Variants in AK2 observed in about 807,000 individuals in gnomAD.
AK2 encodes adenylate kinase 2, mitochondrial.
A neutral mutation model predicts 24.6 loss-of-function variants in AK2; 15 were observed. The observed-to-expected ratio is 0.61, with a 90% CI of 0.41 to 0.94. The LOEUF (loss-of-function observed/expected upper bound fraction) is 0.94, where lower values mean the gene tolerates loss of function less well. AK2 is among the 40% of genes least tolerant of loss of function. The pLI is 0.00. For synonymous variants in AK2, 102 were observed against 114.0 expected (o/e 0.90, Z 0.67); for missense variants, 257 against 304.1 (o/e 0.85, Z 1.15).
Position 33,010,409 on chromosome 1 carries a change from A to G in AK2, c.*2772T>C, listed in dbSNP as rs1325241750. ...TAATCAAAGCTCCCTGTTCCAAGCT[A>G]TAGACAGACAGGACAACAATTTGAT... On this transcript the variant is annotated 3_prime_UTR_variant, in exon 6 of 6. Transcript: ENST00000672715. 1 of 493,572 alleles carries G rather than the reference A, an allele frequency of 2.0e-6. No individual in the cohort carries two copies. The highest frequency in any genetic ancestry group is 3.9e-6 in the Non-Finnish European group (1 of 253,498). The allele number at this position is 493,572 out of a possible 1,614,324, so 30.6% of individuals were successfully genotyped here.
At position 33,008,643 on chromosome 1, in the gene AK2, G is replaced by A. The variant is rs1038849318; in HGVS notation, c.*4538C>T. 2.2e-6 allele frequency: 1 copy of A among 453,972 alleles called. No homozygotes were observed. Among genetic ancestry groups the A allele is most frequent in the Non-Finnish European group, 4.4e-6 (1 of 226,792 alleles). 28.1% of individuals were successfully genotyped at this position (453,972 alleles called of 1,614,324 possible). On this transcript the variant is annotated 3_prime_UTR_variant, in exon 6 of 6. Transcript: ENST00000672715. ...TCAGTCCTGACTGCCTCTTATGCAT[G>A]ACCTCAGGAATGCCACTTCACCTCT...
Position 33,018,932 on chromosome 1 carries a change from C to T in AK2, c.425+2435G>A, listed in dbSNP as rs1234702392. On this transcript the variant is annotated intron_variant, in intron 4 of 5. Transcript: ENST00000672715. ...AGACTATCTCATGAGTCCTGAACTC[C>T]GTCAAGTCTACCCTCTTTGGTTTGG... Among the ~76,000 whole-genome samples, 3 of 152,184 alleles carry T rather than the reference C, an allele frequency of 2.0e-5. 1 individual carries two copies. The highest frequency in any genetic ancestry group is 4.4e-5 in the Non-Finnish European group (3 of 68,034).
rs1376539998 is a variant in AK2 at position 33,009,915 on chromosome 1, G to A, written c.*3266C>T. On this transcript the variant is annotated 3_prime_UTR_variant, in exon 6 of 6. Transcript: ENST00000672715. The stretch of plus-strand genomic sequence containing the variant: ...ATTATCTAAAAAAAATGCCACAACA[G>A]GGGATACAAATTTTAACATATTTTA... The A allele has an allele frequency of 4.5e-6, 2 of 440,334 alleles. No homozygotes were observed. Among genetic ancestry groups the A allele is most frequent in the Non-Finnish European group, 9.0e-6 (2 of 222,126 alleles). 27.3% of individuals were successfully genotyped at this position (440,334 alleles called of 1,614,324 possible).
rs1368001209 is a variant in AK2, at chr1:33,011,701, G to GT, written c.*1479dup. 3 of 1,320,302 alleles carry GT rather than the reference G, an allele frequency of 2.3e-6. No homozygotes were observed. The highest frequency in any genetic ancestry group is 1.5e-5 in the African/African-American group (1 of 67,244). The allele number at this position is 1,320,302 out of a possible 1,614,324, so 81.8% of individuals were successfully genotyped here. On this transcript the variant is annotated 3_prime_UTR_variant, in exon 6 of 6. Transcript: ENST00000672715. ...TTTTTGTGGTCCTTCATAGCAGTCT[G>GT]TTACTTCATCTGTTTGCCACAAATC...
chr1:33,013,793 T>C (rs1207249147), intron 5 of AK2, among the ~76,000 whole-genome samples: 1 of 152,196 alleles, frequency 6.6e-6, no homozygotes, highest in Non-Finnish European at 1.5e-5. Context: ...ACATTAGCAA[T>C]TGTAATCTTA....
intron 1 of AK2, among the ~76,000 whole-genome samples, chr1:33,030,645 A>T (rs1640180793): frequency 6.6e-6 from 1 of 152,236 alleles, no homozygotes; most frequent in Non-Finnish European, 1.5e-5. Flanking sequence ...CATGCCAAGC[A>T]GTTTTCCATG....
chr1:33,020,149 T>G, intron 4 of AK2: 1 of 1,534,988 alleles, frequency 6.5e-7, no homozygotes, highest in East Asian at 2.4e-5. Context: ...CAGAGGCATT[T>G]CTGTGTTCAA....
At chr1:33,016,969 T>C (rs1639232710) in intron 4 of AK2, among the ~76,000 whole-genome samples, 2 of 151,872 alleles carry the variant, frequency 1.3e-5, no homozygotes, top group Admixed American at 6.6e-5. Flanking sequence ...CCTCCCAAAG[T>C]GTTAGGATTA....
intron 1 of AK2, among the ~76,000 whole-genome samples, chr1:33,026,817 A>G (rs991899795): frequency 4.0e-5 from 6 of 150,990 alleles, no homozygotes; most frequent in Non-Finnish European, 8.9e-5. Context: ...ACAAAAAAAC[A>G]GCAACAAAAA....
chr1:33,013,537 C>G, intron 5 of AK2, 135 bp from the exon 6 acceptor site: 1 of 1,482,022 alleles, frequency 6.7e-7, no homozygotes, highest in East Asian at 2.5e-5. Flanking sequence ...GAGACAAAGA[C>G]AGGCAATCCA....
At position 33,009,292 on chromosome 1, in the gene AK2, ATTATT is replaced by A. The variant is rs1638656114; in HGVS notation, c.*3884_*3888del. 1 of 454,002 alleles carries A rather than the reference ATTATT, an allele frequency of 2.2e-6. No individual in the cohort carries two copies. Among genetic ancestry groups the A allele is most frequent in the Admixed American group, 2.4e-5 (1 of 42,550 alleles). The allele number at this position is 454,002 out of a possible 1,614,324, so 28.1% of individuals were successfully genotyped here. A position where few individuals can be genotyped will look rare whatever the true frequency, so the allele number is the denominator to read the frequency against. On this transcript the variant is annotated 3_prime_UTR_variant, in exon 6 of 6. Coordinates refer to ENST00000672715, the MANE Select transcript of AK2 (RefSeq NM_001625.4). Reference sequence around the variant, plus strand: ...AACATGAGAGCTTTAGTTTGGAGAAATTATTTAAGCTCACTTTTGCTGGAGAGGAA... The same window carrying A: ...AACATGAGAGCTTTAGTTTGGAGAAATAAGCTCACTTTTGCTGGAGAGGAA...
At chr1:33,014,227 A>G in intron 5 of AK2, 2 of 364,096 alleles carry the variant, frequency 5.5e-6, no homozygotes, top group South Asian at 4.3e-5. Context: ...CTGATCACTT[A>G]GGTGGCCATG....
rs1638837063 is a variant in AK2, at chr1:33,011,785, A to T, written c.*1396T>A. 1 of 1,455,380 alleles carries T rather than the reference A, an allele frequency of 6.9e-7. No individual in the cohort carries two copies. The highest frequency in any genetic ancestry group is 9.1e-7 in the Non-Finnish European group (1 of 1,097,370). 90.2% of individuals were successfully genotyped at this position (1,455,380 alleles called of 1,614,324 possible). A position where few individuals can be genotyped will look rare whatever the true frequency, so the allele number is the denominator to read the frequency against. On this transcript the variant is annotated 3_prime_UTR_variant, in exon 6 of 6. Coordinates refer to ENST00000672715, the MANE Select transcript of AK2 (RefSeq NM_001625.4). ...AAAATGCTCAATAGTTGGGAAGCTA[A>T]GGTTATGAATAAAAGCTGGTAACTG...
intron 5 of AK2, 136 bp from the exon 6 acceptor site, chr1:33,013,538 A>T: frequency 2.0e-6 from 3 of 1,482,196 alleles, no homozygotes; most frequent in Middle Eastern, 1.8e-4. Context: ...AGACAAAGAC[A>T]GGCAATCCAG....
At chr1:33,032,924 G>T (rs1382245547) in intron 1 of AK2, among the ~76,000 whole-genome samples, 1 of 152,120 alleles carries the variant, frequency 6.6e-6, no homozygotes, top group Non-Finnish European at 1.5e-5. Flanking sequence ...AACACTTTGG[G>T]AGGCCAAGGT....
At position 33,011,066 on chromosome 1, in the gene AK2, C is replaced by T; in HGVS notation, c.*2115G>A. 1.0e-6 allele frequency: 1 copy of T among 985,434 alleles called. No individual in the cohort carries two copies. Among genetic ancestry groups the T allele is most frequent in the Non-Finnish European group, 1.2e-6 (1 of 829,916 alleles). The allele number at this position is 985,434 out of a possible 1,614,324, so 61.0% of individuals were successfully genotyped here. ...TGCATTCCCTATGAATCTTCCAGTTCTTATGGGCAGCCCAAATATTACTTG... is the reference window on the plus strand; with the variant it reads ...TGCATTCCCTATGAATCTTCCAGTTTTTATGGGCAGCCCAAATATTACTTG... On this transcript the variant is annotated 3_prime_UTR_variant, in exon 6 of 6. Coordinates refer to ENST00000672715, the MANE Select transcript of AK2 (RefSeq NM_001625.4).
chr1:33,017,898 C>A (rs1639293755), intron 4 of AK2, among the ~76,000 whole-genome samples: 1 of 152,222 alleles, frequency 6.6e-6, no homozygotes, highest in African/African-American at 2.4e-5. Context: ...GGGACCACCA[C>A]CGCAGGTGCA....
Position 33,013,311 on chromosome 1 carries a change from A to T in AK2, c.590T>A (p.Leu197His). 1 of 1,614,032 alleles carries T rather than the reference A, an allele frequency of 6.2e-7. No individual in the cohort carries two copies. Among genetic ancestry groups the T allele is most frequent in the Non-Finnish European group, 8.5e-7 (1 of 1,179,958 alleles). The change falls in exon 6 of 6, where the codon CTC becomes CAC. Residue 197 changes from leucine to histidine, a missense_variant. Physicochemically the swap from Leu to His is moderately conservative, Grantham distance 99. Transcript: ENST00000672715. ...LQAYHTQTTP[L>H]IEYYRKRGIH... ...CCCCCGTTTCCTGTAGTACTCTATG[A>T]GTGGGGTGGTTTGAGTGTGGTAGGC...
At chr1:33,021,296 A>G in intron 4 of AK2, 71 bp downstream of exon 4, 1 of 1,330,072 alleles carries the variant, frequency 7.5e-7, no homozygotes, top group Non-Finnish European at 1.1e-6. Flanking sequence ...GGCCGGGATT[A>G]GGCAAGAGCA....
Sources: allele counts gnomAD v4.1 joint callset (sites outside exome capture counted in the v4.1 genomes callset), GRCh38; gene constraint gnomAD v4.1.1; transcripts MANE v1.5; gene names NCBI Gene and HGNC (gene_info 2026-07-23, HGNC 2026-07-21).